CLEC1A: variants seen among roughly 807,000 people sequenced by gnomAD.
The protein encoded by CLEC1A is C-type lectin-like receptor-1.
A neutral mutation model predicts 28.7 loss-of-function variants in CLEC1A; 34 were observed. The observed-to-expected ratio is 1.18, with a 90% CI of 0.90 to 1.57. CLEC1A has a LOEUF of 1.57. Among genes scored for constraint, CLEC1A ranks in the 40% most tolerant of loss-of-function variants. The pLI is 0.00. For missense variants in CLEC1A, 385 were observed against 339.5 expected (o/e 1.13, Z -1.05); for synonymous variants, 116 against 121.0 (o/e 0.96, Z 0.27).
intron 3 of CLEC1A, 104 bp downstream of exon 3, chr12:10,081,133 C>A: frequency 9.8e-7 from 1 of 1,017,378 alleles, no homozygotes; most frequent in Non-Finnish European, 1.4e-6. Flanking sequence ...TTTCAGTTTG[C>A]CAGACCTCTA....
At chr12:10,087,645 C>T (rs1480132635) in intron 2 of CLEC1A, among the ~76,000 whole-genome samples, 1 of 149,624 alleles carries the variant, frequency 6.7e-6, no homozygotes, top group African/African-American at 2.5e-5. Context: ...GCCTTGGCCT[C>T]CTGAGTAGTT....
chr12:10,088,076 T>A (rs545117771), intron 2 of CLEC1A, among the ~76,000 whole-genome samples: 1 of 152,196 alleles, frequency 6.6e-6, no homozygotes, highest in African/African-American at 2.4e-5. Context: ...TGAAATAGTG[T>A]TATTATTTTT....
intron 3 of CLEC1A, among the ~76,000 whole-genome samples, chr12:10,080,324 A>C (rs1026718479): frequency 4.6e-5 from 7 of 151,712 alleles, no homozygotes; most frequent in South Asian, 2.1e-4. Flanking sequence ...CCCCACCCCC[A>C]AAAAAAGGAA....
Position 10,070,424 on chromosome 12 carries a change from G to A in CLEC1A, c.*909C>T, listed in dbSNP as rs1401719566. ...AATGACCGCTATCATATTTTGAAAA[G>A]CATTTCCATGCTGAATTTTCCCACC... On this transcript the variant is annotated 3_prime_UTR_variant, in exon 6 of 6. Coordinates refer to ENST00000315330, the MANE Select transcript of CLEC1A (RefSeq NM_016511.4). The A allele has an allele frequency of 6.6e-6, 1 of 152,136 alleles. No individual in the cohort carries two copies. Among genetic ancestry groups the A allele is most frequent in the East Asian group, 1.9e-4 (1 of 5,200 alleles). 9.4% of individuals were successfully genotyped at this position (152,136 alleles called of 1,614,324 possible).
intron 1 of CLEC1A, among the ~76,000 whole-genome samples, chr12:10,096,688 C>T (rs561345974): frequency 1.3e-5 from 2 of 152,268 alleles, no homozygotes; most frequent in South Asian, 4.1e-4. Context: ...TCTACACCTA[C>T]GCCATACATA....
intron 1 of CLEC1A, among the ~76,000 whole-genome samples, chr12:10,095,969 T>C (rs1947771575): frequency 6.6e-6 from 1 of 152,190 alleles, no homozygotes. Flanking sequence ...CACTCTCTTC[T>C]GTTCATTCAT....
chr12:10,094,371 T>A (rs1011793830), intron 1 of CLEC1A, among the ~76,000 whole-genome samples: 38 of 152,120 alleles, frequency 2.5e-4, no homozygotes, highest in African/African-American at 8.9e-4. Context: ...ACAGCTACTA[T>A]TAGCAATAGT....
rs910133768 is a variant in CLEC1A, at chr12:10,071,385, AC to A, written c.790del (p.Val264Ter). ...RCVCERRAGM[V>X]KPESLHVPPE... ...GGGGACATGGAGGCTCTCTGGCTTCACCATTCCTGCCCTTCTCTCACAGACA... is the reference window on the plus strand; with the variant it reads ...GGGGACATGGAGGCTCTCTGGCTTCACATTCCTGCCCTTCTCTCACAGACA... On this transcript the variant is annotated frameshift_variant, in exon 6 of 6. Coordinates refer to ENST00000315330, the MANE Select transcript of CLEC1A (RefSeq NM_016511.4). LOFTEE classifies it low-confidence loss of function (END_TRUNC). 4 of 1,613,806 alleles carry A rather than the reference AC, an allele frequency of 2.5e-6. No homozygotes were observed. In the African/African-American group the frequency reaches 5.3e-5, roughly 22 times the overall value.
intron 4 of CLEC1A, among the ~76,000 whole-genome samples, chr12:10,074,975 G>A (rs1346216902): frequency 6.6e-6 from 1 of 152,142 alleles, no homozygotes; most frequent in Non-Finnish European, 1.5e-5. Context: ...ATATTTTAAT[G>A]ATGTACTTTA....
At chr12:10,071,930 T>C (rs779619444) in intron 5 of CLEC1A, among the ~76,000 whole-genome samples, 2 of 152,234 alleles carry the variant, frequency 1.3e-5, no homozygotes, top group Non-Finnish European at 2.9e-5. Context: ...TTAAATGTGA[T>C]ATATTTTGAT....
chr12:10,084,343 C>G (rs6488249), intron 2 of CLEC1A: 119,176 of 152,124 alleles, frequency 0.78, 48,040 homozygotes, highest in Middle Eastern at 0.88. Flanking sequence ...GACGACCACA[C>G]CCGATAGAGG....
intron 2 of CLEC1A, among the ~76,000 whole-genome samples, chr12:10,081,936 A>C (rs1866379872): frequency 4.6e-5 from 7 of 152,162 alleles, no homozygotes; most frequent in Admixed American, 4.6e-4. Context: ...GTAGGGAGCC[A>C]AATATAAAAT....
intron 3 of CLEC1A, among the ~76,000 whole-genome samples, chr12:10,078,797 G>T (rs1050447973): frequency 6.6e-6 from 1 of 152,132 alleles, no homozygotes; most frequent in Non-Finnish European, 1.5e-5. Flanking sequence ...GAAGTGTCTC[G>T]GTCAGGGAAG....
At chr12:10,085,403 C>T (rs1866469298) in intron 2 of CLEC1A, among the ~76,000 whole-genome samples, 1 of 152,012 alleles carries the variant, frequency 6.6e-6, no homozygotes, top group Admixed American at 6.6e-5. Context: ...TCAAAAGACT[C>T]ACCTAACACA....
At chr12:10,086,559 G>A (rs1395463943) in intron 2 of CLEC1A, among the ~76,000 whole-genome samples, 1 of 151,962 alleles carries the variant, frequency 6.6e-6, no homozygotes, top group Admixed American at 6.6e-5. Flanking sequence ...AAGTCCAGAG[G>A]GGATAGATAA....
At chr12:10,092,921 C>T (rs1947725574) in intron 1 of CLEC1A, among the ~76,000 whole-genome samples, 1 of 152,080 alleles carries the variant, frequency 6.6e-6, no homozygotes, top group African/African-American at 2.4e-5. Flanking sequence ...TGCTCTCTCG[C>T]TTTCTCTCTC....
chr12:10,080,907 T>G (rs1304809937), intron 3 of CLEC1A, among the ~76,000 whole-genome samples: 1 of 152,252 alleles, frequency 6.6e-6, no homozygotes, highest in Non-Finnish European at 1.5e-5. Flanking sequence ...TGCTTACTTC[T>G]TACTAGGAAA....
intron 2 of CLEC1A, among the ~76,000 whole-genome samples, chr12:10,087,590 T>C (rs1866528365): frequency 1.4e-5 from 2 of 147,060 alleles, no homozygotes; most frequent in African/African-American, 2.5e-5. Context: ...TGGTGTGATC[T>C]TGGCTCACTG....
intron 1 of CLEC1A, among the ~76,000 whole-genome samples, chr12:10,098,090 C>A (rs1947802787): frequency 6.7e-6 from 1 of 150,350 alleles, no homozygotes. Flanking sequence ...TCCAGATTTA[C>A]AAAGGTGAAG....
Sources: allele counts gnomAD v4.1 joint callset (sites outside exome capture counted in the v4.1 genomes callset), GRCh38; gene constraint gnomAD v4.1.1; transcripts MANE v1.5; gene names NCBI Gene and HGNC (gene_info 2026-07-23, HGNC 2026-07-21).